SLC10A1: variants seen among roughly 807,000 people sequenced by gnomAD.
SLC10A1 encodes hepatic sodium/bile acid cotransporter.
In SLC10A1, 36 loss-of-function variants were observed where a neutral mutation model predicts 20.5. The ratio of observed to expected loss-of-function variants is 1.75; its 90% confidence interval spans 1.34 to 2.32. The LOEUF (loss-of-function observed/expected upper bound fraction) is 2.32. Among genes scored for constraint, SLC10A1 ranks in the 30% most tolerant of loss-of-function variants. The pLI is 0.00. For missense variants in SLC10A1, 545 were observed against 439.1 expected (o/e 1.24, Z -2.16); for synonymous variants, 188 against 163.6 (o/e 1.15, Z -1.14).
At chr14:69,779,996 T>G (rs1883552764) in intron 2 of SLC10A1, among the ~76,000 whole-genome samples, 1 of 152,234 alleles carries the variant, frequency 6.6e-6, no homozygotes, top group Admixed American at 6.5e-5. Context: ...TTCTGGAAAT[T>G]GCCAAGAGTC....
intron 2 of SLC10A1, among the ~76,000 whole-genome samples, chr14:69,783,359 A>G (rs1323204862): frequency 6.6e-6 from 1 of 152,230 alleles, no homozygotes; most frequent in Non-Finnish European, 1.5e-5. Flanking sequence ...AATAATTGCT[A>G]CAGGGGTTAG....
Position 69,777,609 on chromosome 14 carries a change from A to ATTTTTTTTTTTTTTTTTTTTTT in SLC10A1, c.943+723_943+724insAAAAAAAAAAAAAAAAAAAAAA, listed in dbSNP as rs1209960018. 2.5e-5 allele frequency among the ~76,000 whole-genome samples: 2 copies of ATTTTTTTTTTTTTTTTTTTTTT among 79,638 alleles called. 1 individual carries two copies. Among genetic ancestry groups the ATTTTTTTTTTTTTTTTTTTTTT allele is most frequent in the Admixed American group, 3.1e-4 (2 of 6,532 alleles). 52.2% of individuals were successfully genotyped at this position (79,638 alleles called of 152,430 possible). A position where few individuals can be genotyped will look rare whatever the true frequency, so the allele number is the denominator to read the frequency against. Reference sequence around the variant, plus strand: ...TTTTTTTTTTTTTTTTTTTTTTAAAATTGGTGTTAAAGTGCACTTTGAGGA... The same window carrying ATTTTTTTTTTTTTTTTTTTTTT: ...TTTTTTTTTTTTTTTTTTTTTTAAAATTTTTTTTTTTTTTTTTTTTTTTTGGTGTTAAAGTGCACTTTGAGGA... On this transcript the variant is annotated intron_variant, in intron 4 of 4. Transcript: ENST00000216540.
intron 1 of SLC10A1, among the ~76,000 whole-genome samples, chr14:69,788,382 C>T (rs1198928817): frequency 6.6e-6 from 1 of 151,912 alleles, no homozygotes; most frequent in Non-Finnish European, 1.5e-5. Flanking sequence ...ACATCTAAAG[C>T]ACGAACAGCC....
intron 3 of SLC10A1, 28 bp from the exon 4 acceptor site, chr14:69,778,557 C>G: frequency 1.3e-6 from 2 of 1,558,372 alleles, no homozygotes; most frequent in South Asian, 1.2e-5. Context: ...ACCCCACATA[C>G]ACTCAGAGGG....
At position 69,776,296 on chromosome 14, in the gene SLC10A1, G is replaced by T; in HGVS notation, c.1036C>A (p.Pro346Thr). 6.2e-7 allele frequency: 1 copy of T among 1,613,034 alleles called. No homozygotes were observed. The highest frequency in any genetic ancestry group is 8.5e-7 in the Non-Finnish European group (1 of 1,179,788). The change falls in exon 5 of 5, where the codon CCT becomes ACT. Residue 346 changes from proline (P) to threonine (T), a missense_variant. Coordinates refer to ENST00000216540, the MANE Select transcript of SLC10A1 (RefSeq NM_003049.4). ...CAGGGGAAGGGCTAGGCTGTGCAAG[G>T]GGAGCAGTCCTCCCCTTTGTAGGTG... ...NGTYKGEDCS[P>T]CTA is the part of the protein sequence containing the mutation.
At chr14:69,784,709 G>T (rs1033504149) in intron 2 of SLC10A1, among the ~76,000 whole-genome samples, 1 of 152,158 alleles carries the variant, frequency 6.6e-6, no homozygotes, top group African/African-American at 2.4e-5. Context: ...CCAATACAGA[G>T]ATATTTTAGA....
Position 69,775,590 on chromosome 14 carries a change from T to A in SLC10A1, c.*692A>T, listed in dbSNP as rs889819880. 3 of 152,206 alleles carry A rather than the reference T, an allele frequency of 2.0e-5. No individual in the cohort carries two copies. The highest frequency in any genetic ancestry group is 6.5e-5 in the Admixed American group (1 of 15,278). 9.4% of individuals were successfully genotyped at this position (152,206 alleles called of 1,614,324 possible). A position where few individuals can be genotyped will look rare whatever the true frequency, so the allele number is the denominator to read the frequency against. On this transcript the variant is annotated 3_prime_UTR_variant, in exon 5 of 5. Coordinates refer to ENST00000216540, the MANE Select transcript of SLC10A1 (RefSeq NM_003049.4). ...TACCTACTGAACTTAAAAAAGAGAT[T>A]ATTAGTGAGGTAACATTGTGTTAAT...
rs867452179 is a variant in SLC10A1, at chr14:69,791,386, T to C, written c.357-5079A>G. ...TGTGATCTTGGCTCACTGCAAGCTC[T>C]GCCTCCCGGGTTCACGCCATTCTCC... On this transcript the variant is annotated intron_variant, in intron 1 of 4. Coordinates refer to ENST00000216540, the MANE Select transcript of SLC10A1 (RefSeq NM_003049.4). Among the ~76,000 whole-genome samples the C allele has an allele frequency of 3.3e-5, 5 of 152,000 alleles. No homozygotes were observed. The South Asian group carries it at 8.3e-4, about 25-fold the overall frequency.
At chr14:69,792,830 T>C (rs1882306178) in intron 1 of SLC10A1, among the ~76,000 whole-genome samples, 1 of 49,838 alleles carries the variant, frequency 2.0e-5, no homozygotes, top group Admixed American at 2.8e-4. Context: ...CATGCCTATT[T>C]CTCAAAAAAA....
At chr14:69,778,652 G>C (rs1237163869) in intron 3 of SLC10A1, 123 bp from the exon 4 acceptor site, 22 of 735,312 alleles carry the variant, frequency 3.0e-5, no homozygotes, top group South Asian at 2.6e-4. Context: ...GGGGTACTTT[G>C]CTATTGCTGC....
chr14:69,776,065 T>C lies in SLC10A1; in HGVS notation c.*217A>G, dbSNP rs557495906. On this transcript the variant is annotated 3_prime_UTR_variant, in exon 5 of 5. Transcript: ENST00000216540. The stretch of plus-strand genomic sequence containing the variant: ...GAGTTTACAGTCACTGAACAAGTCT[T>C]TAAAATAAGTAGCAAATTCTAAGTT... 5.4e-6 allele frequency: 3 copies of C among 554,058 alleles called. No homozygotes were observed. The South Asian group carries it at 6.9e-5, about 13-fold the overall frequency. 34.3% of individuals were successfully genotyped at this position (554,058 alleles called of 1,614,324 possible). A position where few individuals can be genotyped will look rare whatever the true frequency, so the allele number is the denominator to read the frequency against.
chr14:69,787,741 C>T (rs1883755476), intron 1 of SLC10A1, among the ~76,000 whole-genome samples: 1 of 152,102 alleles, frequency 6.6e-6, no homozygotes, highest in Non-Finnish European at 1.5e-5. Flanking sequence ...AATTAACACT[C>T]AATTTAAGTG....
At position 69,796,858 on chromosome 14, in the gene SLC10A1, G is replaced by A. The variant is rs1882394835; in HGVS notation, c.298C>T (p.Pro100Ser). Residue 100 changes from proline to serine, a missense_variant, in exon 1 of 5, where the codon CCT (proline) becomes TCT (serine). Pro to Ser is a moderately conservative substitution (Grantham distance 74). Coordinates refer to ENST00000216540, the MANE Select transcript of SLC10A1 (RefSeq NM_003049.4). Reference protein sequence around the residue: ...ALAILVCGCSPGGNLSNVFSL... With the variant: ...ALAILVCGCSSGGNLSNVFSL... ...AAGACATTGGACAGGTTCCCTCCAG[G>A]TGAGCAGCCACAGACCAAGATGGCC... 6.2e-7 allele frequency: 1 copy of A among 1,614,182 alleles called. No individual in the cohort carries two copies. The highest frequency in any genetic ancestry group is 8.5e-7 in the Non-Finnish European group (1 of 1,180,030).
In SLC10A1 at chr14:69,779,308, G is replaced by A; in HGVS notation, c.620C>T (p.Ala207Val). 2 of 1,614,010 alleles carry A rather than the reference G, an allele frequency of 1.2e-6. No homozygotes were observed. Among genetic ancestry groups the A allele is most frequent in the African/African-American group, 1.3e-5 (1 of 74,990 alleles). ...CATGATGCTCTTCCCCACATTGATG[G>A]CAGAGAGAACTGTGACGGCCACACT... The part of the protein sequence containing the change: ...LCSVAVTVLS[A>V]INVGKSIMFA... Residue 207 changes from alanine to valine, a missense_variant, in exon 3 of 5, where the codon GCC becomes GTC. Ala to Val is a moderately conservative substitution (Grantham distance 64, BLOSUM62 0). Transcript: ENST00000216540.
At chr14:69,776,938 C>T (rs901489116) in intron 4 of SLC10A1, among the ~76,000 whole-genome samples, 2 of 152,196 alleles carry the variant, frequency 1.3e-5, no homozygotes, top group Non-Finnish European at 2.9e-5. Context: ...TGACAGATTC[C>T]TCCCCCCTGA....
chr14:69,793,570 A>G (rs1882324728), intron 1 of SLC10A1, among the ~76,000 whole-genome samples: 1 of 152,146 alleles, frequency 6.6e-6, no homozygotes, highest in Admixed American at 6.5e-5. Flanking sequence ...GAGGGGCCTC[A>G]ACACAGTCTC....
chr14:69,787,858 CT>C (rs1389630674), intron 1 of SLC10A1, among the ~76,000 whole-genome samples: 1 of 152,072 alleles, frequency 6.6e-6, no homozygotes, highest in African/African-American at 2.4e-5. Context: ...AGTAAGACCC[CT>C]GTCTCTACAC....
chr14:69,778,603 C>T, intron 3 of SLC10A1, 74 bp from the exon 4 acceptor site: 1 of 1,311,752 alleles, frequency 7.6e-7, no homozygotes, highest in Non-Finnish European at 1.0e-6. Context: ...GTGCTGCTAC[C>T]AAAGAGTTTC....
intron 1 of SLC10A1, among the ~76,000 whole-genome samples, chr14:69,794,438 G>A (rs1340336905): frequency 6.6e-6 from 1 of 152,172 alleles, no homozygotes; most frequent in African/African-American, 2.4e-5. Flanking sequence ...TGGAGCCAAT[G>A]TATTGACCTC....
Sources: gnomAD v4.1 joint callset for allele counts (sites outside exome capture counted in the v4.1 genomes callset) on GRCh38, gnomAD v4.1.1 for gene constraint, MANE v1.5 for transcripts, NCBI Gene and HGNC (gene_info 2026-07-23, HGNC 2026-07-21) for gene names.